Variants in ANAPC4 observed in about 807,000 individuals in gnomAD.
The protein encoded by ANAPC4 is anaphase promoting complex subunit 4, also known as anaphase-promoting complex subunit 4.
ANAPC4 carries 63 observed loss-of-function variants against 119.8 expected under a neutral mutation model. The ratio of observed to expected loss-of-function variants is 0.53; its 90% CI spans 0.43 to 0.65. ANAPC4 has a LOEUF of 0.65. ANAPC4 is among the 30% of genes least tolerant of loss of function. The probability of loss-of-function intolerance (pLI) is 0.00; values close to 1 mark genes in which losing one functional copy is unlikely to be tolerated. For missense variants in ANAPC4, 716 were observed against 945.1 expected (o/e 0.76, Z 3.18); for synonymous variants, 283 against 318.6 (o/e 0.89, Z 1.19).
chr4:25,416,365 A>C (rs1486968947), intron 26 of ANAPC4, 60 bp from the exon 27 acceptor site: 23 of 1,216,156 alleles, frequency 1.9e-5, no homozygotes, highest in Non-Finnish European at 1.1e-6. Flanking sequence ...TAACATGCAT[A>C]CAATATTTTC....
intron 16 of ANAPC4, among the ~76,000 whole-genome samples, chr4:25,397,521 G>A (rs1355545989): frequency 9.9e-5 from 15 of 152,152 alleles, no homozygotes; most frequent in Admixed American, 9.8e-4. Flanking sequence ...CATTTTGCTG[G>A]AAAACATCCT....
intron 14 of ANAPC4, among the ~76,000 whole-genome samples, chr4:25,396,254 A>G (rs549527752): frequency 3.9e-5 from 6 of 152,278 alleles, no homozygotes; most frequent in Non-Finnish European, 2.9e-5. Context: ...TCCCTGTTAT[A>G]CTGTCAATGC....
Position 25,405,902 on chromosome 4 carries a change from C to T in ANAPC4, c.1317+283C>T, listed in dbSNP as rs536592996. Among the ~76,000 whole-genome samples, 1 of 152,226 alleles carries T rather than the reference C, an allele frequency of 6.6e-6. No homozygotes were observed. Among genetic ancestry groups the T allele is most frequent in the South Asian group, 2.1e-4 (1 of 4,832 alleles). ...AGCATCCTTGTATTCCTTACTTTGA[C>T]TTCCTTAAATTTTAAATGCTTCTTA... On this transcript the variant is annotated intron_variant, in intron 18 of 28. Transcript: ENST00000315368. This position sits in a 1 kb window ranked among gnomAD's most constrained non-coding sequence, Gnocchi z 4.6.
chr4:25,404,245 T>G (rs1326622824), intron 17 of ANAPC4, among the ~76,000 whole-genome samples: 1 of 152,200 alleles, frequency 6.6e-6, no homozygotes, highest in Non-Finnish European at 1.5e-5. Context: ...TTTTTTGATA[T>G]TTCTGAAAAC....
chr4:25,396,984 C>T, intron 16 of ANAPC4, 85 bp downstream of exon 16: 1 of 1,339,140 alleles, frequency 7.5e-7, no homozygotes, highest in Non-Finnish European at 1.0e-6. Context: ...TGTTATGATT[C>T]TCTTAAAATC....
intron 18 of ANAPC4, among the ~76,000 whole-genome samples, chr4:25,406,231 G>A (rs11941064): frequency 0.026 from 3,964 of 152,264 alleles, 172 homozygotes; most frequent in African/African-American, 0.087. Context: ...TCTACAACTC[G>A]TTTGCTAAGT....
At chr4:25,380,232 A>T in intron 2 of ANAPC4, 142 bp from the exon 3 acceptor site, 1 of 514,330 alleles carries the variant, frequency 1.9e-6, no homozygotes, top group South Asian at 4.1e-5. Context: ...TCATTCAGAC[A>T]CTGTTGTCTT....
At chr4:25,380,505 A>G (rs1273122922) in intron 3 of ANAPC4, 26 bp downstream of exon 3, 1 of 1,539,488 alleles carries the variant, frequency 6.5e-7, no homozygotes, top group East Asian at 2.3e-5. Flanking sequence ...CAAAAAAAAT[A>G]TGTTTTTATT....
At chr4:25,387,400 T>C (rs1722096641) in intron 4 of ANAPC4, among the ~76,000 whole-genome samples, 1 of 152,200 alleles carries the variant, frequency 6.6e-6, no homozygotes, top group African/African-American at 2.4e-5. Context: ...CCTGAAAGAA[T>C]TGGATGACAA....
At chr4:25,389,228 G>A (rs1033390174) in intron 7 of ANAPC4, among the ~76,000 whole-genome samples, 5 of 147,732 alleles carry the variant, frequency 3.4e-5, no homozygotes, top group African/African-American at 2.5e-5. Flanking sequence ...GCGTTATCTC[G>A]GCTCACTGCA....
chr4:25,382,826 G>C (rs1158387256), intron 3 of ANAPC4, among the ~76,000 whole-genome samples: 1 of 152,156 alleles, frequency 6.6e-6, no homozygotes, highest in East Asian at 1.9e-4. Flanking sequence ...TAATGGCCTC[G>C]TTTCCCACCA....
chr4:25,392,737 C>G (rs751389877), intron 10 of ANAPC4, among the ~76,000 whole-genome samples: 1 of 152,290 alleles, frequency 6.6e-6, no homozygotes, highest in South Asian at 2.1e-4. Flanking sequence ...AATAAACCCA[C>G]CCCAAATTAC....
chr4:25,383,385 A>G lies in ANAPC4; in HGVS notation c.360A>G (p.Val120=). 6.2e-7 allele frequency: 1 copy of G among 1,602,548 alleles called. No homozygotes were observed. Among genetic ancestry groups the G allele is most frequent in the Non-Finnish European group, 8.5e-7 (1 of 1,176,300 alleles). The change falls in exon 4 of 29, where the codon GTA becomes GTG. Residue 120 remains valine (V), a synonymous_variant. Transcript: ENST00000315368. ...GTATGCATTGGATGGAAGTGACAGTAGAAAGCAGGTAATTAGAAAAACTTA... is the reference window on the plus strand; with the variant it reads ...GTATGCATTGGATGGAAGTGACAGTGGAAAGCAGGTAATTAGAAAAACTTA... The part of the protein sequence containing the change: ...VSCMHWMEVT[V]ESSVLTSFYN...
At position 25,418,146 on chromosome 4, in the gene ANAPC4, C is replaced by CT; in HGVS notation, c.2200-3dup. The CT allele has an allele frequency of 1.2e-6, 2 of 1,605,106 alleles. No homozygotes were observed. The highest frequency in any genetic ancestry group is 1.7e-6 in the Non-Finnish European group (2 of 1,176,298). Reference sequence around the variant, plus strand: ...TTTAAAAATGCTTTTATGGCCTTTTCTTTTTTAGTTAAGCTCAAATCTTCG... The same window carrying CT: ...TTTAAAAATGCTTTTATGGCCTTTTCTTTTTTTAGTTAAGCTCAAATCTTCG... On this transcript the variant is annotated splice_polypyrimidine_tract_variant and intron_variant, in intron 28 of 28. Coordinates refer to ENST00000315368, the MANE Select transcript of ANAPC4 (RefSeq NM_013367.3).
chr4:25,381,947 C>T (rs1167458151), intron 3 of ANAPC4, among the ~76,000 whole-genome samples: 2 of 151,540 alleles, frequency 1.3e-5, no homozygotes, highest in South Asian at 2.1e-4. Context: ...GACTCCGTCT[C>T]AAAAAAAAAA....
intron 21 of ANAPC4, among the ~76,000 whole-genome samples, chr4:25,410,833 T>A (rs1723516537): frequency 6.6e-6 from 1 of 152,208 alleles, no homozygotes; most frequent in Non-Finnish European, 1.5e-5. Flanking sequence ...GAAGCATAAA[T>A]GAATTTCGTG....
rs900022762 is a variant in ANAPC4 at position 25,405,722 on chromosome 4, G to A, written c.1317+103G>A. The A allele has an allele frequency of 1.3e-5, 15 of 1,141,588 alleles. No homozygotes were observed. The African/African-American group carries it at 2.1e-4, about 16-fold the overall frequency. 70.7% of individuals were successfully genotyped at this position (1,141,588 alleles called of 1,614,324 possible). ...TTATTCAGTTATTAGTTAACAGGAT[G>A]TCAGGATGTAGACGTTAGATCCCTT... On this transcript the variant is annotated intron_variant, in intron 18 of 28. Transcript: ENST00000315368. This position sits in a 1 kb window ranked among gnomAD's most constrained non-coding sequence, Gnocchi z 4.6.
In ANAPC4 at chr4:25,393,811, A is replaced by C. The variant is rs765587767; in HGVS notation, c.796A>C (p.Asn266His). ...TTTTCTTTTTTGCTAATAGTATATAAATTTGTCACTAACATGTATGTGTGA... is the reference window on the plus strand; with the variant it reads ...TTTTCTTTTTTGCTAATAGTATATACATTTGTCACTAACATGTATGTGTGA... ...THISALLQYINLSLTCMCEAW... is the reference protein window; with the variant it reads ...THISALLQYIHLSLTCMCEAW... Residue 266 changes from asparagine (N) to histidine (H), a missense_variant, in exon 11 of 29, where the codon AAT becomes CAT. Physicochemically the swap from Asn to His is moderately conservative, Grantham distance 68. Transcript: ENST00000315368. 27 of 1,594,980 alleles carry C rather than the reference A, an allele frequency of 1.7e-5. No homozygotes were observed. In the African/African-American group the frequency reaches 3.6e-4, roughly 22 times the overall value.
At chr4:25,407,802 T>TGA (rs1723340641) in intron 20 of ANAPC4, among the ~76,000 whole-genome samples, 1 of 151,322 alleles carries the variant, frequency 6.6e-6, no homozygotes, top group Admixed American at 6.6e-5. Flanking sequence ...GGCTGAGGCA[T>TGA]GAGAATTGCT....
Sources: allele counts gnomAD v4.1 joint callset (sites outside exome capture counted in the v4.1 genomes callset), GRCh38; gene constraint gnomAD v4.1.1; non-coding constraint Gnocchi (gnomAD v3.1); transcripts MANE v1.5; gene names NCBI Gene and HGNC (gene_info 2026-07-23, HGNC 2026-07-21).